The following TSHZ2 variants were observed in gnomAD, a reference collection of about 807,000 sequenced individuals.
The protein encoded by TSHZ2 is teashirt homolog 2.
In TSHZ2, 21 loss-of-function variants were observed where a neutral mutation model predicts 74.4. The observed-to-expected ratio is 0.28, with a 90% CI of 0.20 to 0.41. The LOEUF (loss-of-function observed/expected upper bound fraction) is 0.41. Among genes scored for constraint, TSHZ2 ranks in the 10% least tolerant of loss-of-function variants. The pLI is 1.00. For missense variants in TSHZ2, 1,244 were observed against 1,293.5 expected (o/e 0.96, Z 0.59); for synonymous variants, 540 against 515.3 (o/e 1.05, Z -0.65).
At chr20:53,380,978 G>C (rs113331882) in intron 2 of TSHZ2, among the ~76,000 whole-genome samples, 1 of 152,142 alleles carries the variant, frequency 6.6e-6, no homozygotes, top group African/African-American at 2.4e-5. Context: ...ACTGTATTGT[G>C]AGTCCATCCT....
At chr20:53,204,809 C>T (rs6126783) in intron 1 of TSHZ2, among the ~76,000 whole-genome samples, 6,827 of 152,032 alleles carry the variant, frequency 0.045, 423 homozygotes, top group East Asian at 0.31. Flanking sequence ...TGGCCGGGTG[C>T]GGTGGCTCAC....
chr20:53,310,371 A>C (rs533050702), intron 2 of TSHZ2, among the ~76,000 whole-genome samples: 1 of 152,210 alleles, frequency 6.6e-6, no homozygotes, highest in East Asian at 1.9e-4. Flanking sequence ...GTGTCACCTA[A>C]TTCTGAATAA....
chr20:53,038,859 G>GT (rs5841923), intron 1 of TSHZ2, among the ~76,000 whole-genome samples: 56,602 of 146,618 alleles, frequency 0.39, 12,694 homozygotes, highest in East Asian at 0.62. Context: ...TTCACTTCTT[G>GT]TTTTTTTTTT....
chr20:53,276,242 T>A (rs1385666595), intron 2 of TSHZ2, among the ~76,000 whole-genome samples: 1 of 120,016 alleles, frequency 8.3e-6, no homozygotes, highest in Non-Finnish European at 1.6e-5. Context: ...CCTGGCTCTT[T>A]CATTTTTTTT....
chr20:53,251,243 G>A (rs1990323243), intron 1 of TSHZ2, among the ~76,000 whole-genome samples: 1 of 152,208 alleles, frequency 6.6e-6, no homozygotes, highest in African/African-American at 2.4e-5. Flanking sequence ...ATGTTCCAGA[G>A]TAATAGCACC....
At chr20:53,066,631 C>T (rs1984997897) in intron 1 of TSHZ2, among the ~76,000 whole-genome samples, 1 of 152,108 alleles carries the variant, frequency 6.6e-6, no homozygotes, top group African/African-American at 2.4e-5. Context: ...CCTCAGCCTC[C>T]TGAGTAGCTG....
intron 2 of TSHZ2, among the ~76,000 whole-genome samples, chr20:53,330,810 C>T (rs544784562): frequency 2.3e-4 from 35 of 152,316 alleles, no homozygotes; most frequent in African/African-American, 7.7e-4. Context: ...AGGTGACGTT[C>T]GGTTTATTCA....
chr20:53,094,201 G>A (rs1001017643), intron 1 of TSHZ2, among the ~76,000 whole-genome samples: 3 of 152,140 alleles, frequency 2.0e-5, no homozygotes, highest in African/African-American at 7.2e-5. Flanking sequence ...AATATTTACT[G>A]CCTGATTCTT....
intron 2 of TSHZ2, among the ~76,000 whole-genome samples, chr20:53,339,003 G>T (rs1161407288): frequency 6.6e-6 from 1 of 152,090 alleles, no homozygotes; most frequent in Non-Finnish European, 1.5e-5. Flanking sequence ...TAAGAAAGTG[G>T]GTTCCAAATT....
intron 2 of TSHZ2, among the ~76,000 whole-genome samples, chr20:53,430,850 A>G (rs960119572): frequency 6.6e-6 from 1 of 151,854 alleles, no homozygotes; most frequent in African/African-American, 2.4e-5. Flanking sequence ...CCTCCTCCCG[A>G]GTTCAACTGA....
In TSHZ2 at chr20:53,137,442, G is replaced by A. The variant is rs973956039; in HGVS notation, c.41-116057G>A. Among the ~76,000 whole-genome samples the A allele has an allele frequency of 8.6e-5, 13 of 151,884 alleles. 1 individual carries two copies. Among genetic ancestry groups the A allele is most frequent in the African/African-American group, 2.4e-4 (10 of 41,408 alleles). ...GCATTGAAGAGCTCAAGATTCCAGC[G>A]TCTGTGAATAACTGATATAAATGGA... On this transcript the variant is annotated intron_variant, in intron 1 of 2. Transcript: ENST00000371497.
At chr20:53,172,205 A>G (rs1988220095) in intron 1 of TSHZ2, among the ~76,000 whole-genome samples, 1 of 152,230 alleles carries the variant, frequency 6.6e-6, no homozygotes, top group South Asian at 2.1e-4. Context: ...ATTAAAGTGT[A>G]AGTCCCAAGA....
chr20:53,007,235 C>A (rs1055567860), intron 1 of TSHZ2, among the ~76,000 whole-genome samples: 1 of 152,086 alleles, frequency 6.6e-6, no homozygotes. Flanking sequence ...CCAAGAAGGC[C>A]TTGGGTGCAG....
chr20:53,121,801 G>C (rs551763334), intron 1 of TSHZ2, among the ~76,000 whole-genome samples: 2 of 152,028 alleles, frequency 1.3e-5, no homozygotes, highest in African/African-American at 4.8e-5. Context: ...TAAGTTTCTC[G>C]GGGAAGTCGA....
At chr20:53,472,792 G>T (rs1057099892) in intron 2 of TSHZ2, among the ~76,000 whole-genome samples, 1 of 151,350 alleles carries the variant, frequency 6.6e-6, no homozygotes, top group African/African-American at 2.4e-5. Flanking sequence ...GCAGGTCAGT[G>T]GGTGCGCGCA....
intron 1 of TSHZ2, among the ~76,000 whole-genome samples, chr20:53,158,832 C>G (rs574459042): frequency 6.6e-6 from 1 of 152,244 alleles, no homozygotes; most frequent in African/African-American, 2.4e-5. Flanking sequence ...AGTAGTTTCT[C>G]CCATGGCCTC....
chr20:53,314,622 CTTTT>C (rs11475290), intron 2 of TSHZ2, among the ~76,000 whole-genome samples: 9 of 126,672 alleles, frequency 7.1e-5, no homozygotes, highest in Non-Finnish European at 8.3e-5. Flanking sequence ...GTAGTCCTAG[CTTTT>C]TTTTTTTTTT....
chr20:53,265,965 A>G (rs6123269), intron 2 of TSHZ2, among the ~76,000 whole-genome samples: 5,988 of 152,214 alleles, frequency 0.039, 278 homozygotes, highest in East Asian at 0.26. Context: ...CACTGAGACT[A>G]TAACAGGGAA....
At chr20:53,423,848 G>A (rs1983567020) in intron 2 of TSHZ2, among the ~76,000 whole-genome samples, 1 of 152,190 alleles carries the variant, frequency 6.6e-6, no homozygotes, top group African/African-American at 2.4e-5. Flanking sequence ...CTCAAAGCAG[G>A]TGAGTTTCGG....
Sources: gnomAD v4.1 joint callset for allele counts (sites outside exome capture counted in the v4.1 genomes callset) on GRCh38, gnomAD v4.1.1 for gene constraint, MANE v1.5 for transcripts, NCBI Gene and HGNC (gene_info 2026-07-23, HGNC 2026-07-21) for gene names.